CELF2: variants seen among roughly 807,000 people sequenced by gnomAD.
CELF2 encodes the protein CUG triplet repeat RNA-binding protein 2.
Under a neutral mutation model 62.6 loss-of-function variants are expected in CELF2, and 8 were observed. The observed-to-expected ratio is 0.13, with a 90% CI of 0.07 to 0.23. The LOEUF (loss-of-function observed/expected upper bound fraction) is 0.23, where lower values mean the gene tolerates loss of function less well. Among genes scored for constraint, CELF2 ranks in the 10% least tolerant of loss-of-function variants. The probability of loss-of-function intolerance (pLI) is 1.00; values close to 1 mark genes in which losing one functional copy is unlikely to be tolerated. For synonymous variants in CELF2, 258 were observed against 250.0 expected, an observed-to-expected ratio of 1.03 and a Z score of -0.30; for missense variants, 333 against 671.0, an observed-to-expected ratio of 0.50 and a Z score of 5.56.
At chr10:11,063,227 C>T (rs968775698) in intron 1 of CELF2, among the ~76,000 whole-genome samples, 2 of 152,192 alleles carry the variant, frequency 1.3e-5, no homozygotes, top group African/African-American at 2.4e-5. Context: ...ACCAAACCTG[C>T]TGTATCCTCA....
At chr10:10,645,427 A>G in the CELF2 span, among the ~76,000 whole-genome samples, 4,953 of 152,200 alleles carry the variant, frequency 0.033, 267 homozygotes, top group African/African-American at 0.11. Flanking sequence ...CTGAGCTGGG[A>G]AGATCACCTG....
At chr10:10,635,445 C>T in the CELF2 span, among the ~76,000 whole-genome samples, 4 of 152,148 alleles carry the variant, frequency 2.6e-5, no homozygotes, top group South Asian at 6.2e-4. Context: ...ACTTTCTGAT[C>T]ATATCTCATT....
At chr10:10,833,703 T>C (rs899260687) in intron 1 of CELF2, among the ~76,000 whole-genome samples, 1 of 151,880 alleles carries the variant, frequency 6.6e-6, no homozygotes, top group Non-Finnish European at 1.5e-5. Context: ...AACAAGCATA[T>C]GAAAAAAAAG....
At chr10:10,480,863 A>C in the CELF2 span, among the ~76,000 whole-genome samples, 1 of 152,100 alleles carries the variant, frequency 6.6e-6, no homozygotes, top group African/African-American at 2.4e-5. Context: ...AAACACCATA[A>C]ATTTTATTTT....
chr10:10,535,359 C>T, the CELF2 span, among the ~76,000 whole-genome samples: 1 of 152,248 alleles, frequency 6.6e-6, no homozygotes, highest in East Asian at 1.9e-4. Flanking sequence ...TGGGATAATC[C>T]CACAGTTCAG....
the CELF2 span, among the ~76,000 whole-genome samples, chr10:10,509,573 C>T: frequency 1.3e-5 from 2 of 152,130 alleles, no homozygotes; most frequent in African/African-American, 4.8e-5. Flanking sequence ...GTCTGTAAGC[C>T]ACCTAGTCTA....
At chr10:11,047,078 C>G (rs1274888130) in intron 1 of CELF2, among the ~76,000 whole-genome samples, 1 of 152,070 alleles carries the variant, frequency 6.6e-6, no homozygotes, top group Non-Finnish European at 1.5e-5. Context: ...TTAAACTCTT[C>G]CTATTTAAGC....
chr10:11,146,884 A>G (rs114954814), intron 1 of CELF2, among the ~76,000 whole-genome samples: 1,777 of 152,346 alleles, frequency 0.012, 28 homozygotes, highest in African/African-American at 0.04. Context: ...GCAGCTCAGC[A>G]GCCAGCCTGT....
At chr10:11,131,229 G>GC (rs1260730369) in intron 1 of CELF2, among the ~76,000 whole-genome samples, 1 of 152,188 alleles carries the variant, frequency 6.6e-6, no homozygotes, top group African/African-American at 2.4e-5. Context: ...GATGACAGTG[G>GC]CCTTAAGAGT....
At chr10:11,241,273 T>C (rs769156128) in intron 3 of CELF2, among the ~76,000 whole-genome samples, 4 of 152,216 alleles carry the variant, frequency 2.6e-5, no homozygotes, top group African/African-American at 4.8e-5. Context: ...AGTTTGGGCT[T>C]ACTGCAACCT....
chr10:11,303,081 A>C (rs1037471907), intron 9 of CELF2, among the ~76,000 whole-genome samples: 1 of 152,122 alleles, frequency 6.6e-6, no homozygotes, highest in South Asian at 2.1e-4. Flanking sequence ...GAGGTGGCCC[A>C]GCGGAAACTT....
intron 1 of CELF2, among the ~76,000 whole-genome samples, chr10:10,857,406 G>A (rs2133009637): frequency 6.6e-6 from 1 of 151,870 alleles, no homozygotes; most frequent in East Asian, 1.9e-4. Context: ...AACTAGCCTT[G>A]GAGTAAAGGC....
At chr10:11,024,427 C>G (rs1367184611) in intron 1 of CELF2, among the ~76,000 whole-genome samples, 2 of 152,076 alleles carry the variant, frequency 1.3e-5, no homozygotes, top group Non-Finnish European at 2.9e-5. Flanking sequence ...ATGGCAAAAC[C>G]CTGTGTCTAC....
At chr10:10,474,559 T>C in the CELF2 span, among the ~76,000 whole-genome samples, 1 of 151,192 alleles carries the variant, frequency 6.6e-6, no homozygotes, top group Non-Finnish European at 1.5e-5. Context: ...ATAAAACTTA[T>C]TTATGCACAC....
intron 1 of CELF2, among the ~76,000 whole-genome samples, chr10:11,108,263 GGT>G (rs1163334510): frequency 1.3e-5 from 2 of 150,674 alleles, no homozygotes; most frequent in Non-Finnish European, 2.9e-5. Context: ...CCTTTGTTTA[GGT>G]GTGTGTGTAT....
chr10:10,690,559 C>A, the CELF2 span, among the ~76,000 whole-genome samples: 1,288 of 152,238 alleles, frequency 8.5e-3, 7 homozygotes, highest in African/African-American at 0.012. Context: ...CAGTGCAGGA[C>A]CAGAAGACAG....
chr10:10,868,572 G>A (rs2060528272), intron 1 of CELF2, among the ~76,000 whole-genome samples: 1 of 152,204 alleles, frequency 6.6e-6, no homozygotes, highest in African/African-American at 2.4e-5. Flanking sequence ...GGATGGGGGA[G>A]CAGAAAGGTC....
At chr10:11,130,766 T>G (rs2059501199) in intron 1 of CELF2, among the ~76,000 whole-genome samples, 1 of 152,200 alleles carries the variant, frequency 6.6e-6, no homozygotes, top group African/African-American at 2.4e-5. Context: ...TATTGAAACA[T>G]AGTCTGTTAT....
Position 11,285,529 on chromosome 10 carries a change from C to T in CELF2, c.842-2889C>T, listed in dbSNP as rs959727408. On this transcript the variant is annotated intron_variant, in intron 8 of 12. Transcript: ENST00000633077. The surrounding 1 kb of genome is among the most constrained non-coding windows in gnomAD (Gnocchi z 4.3). Reference sequence around the variant, plus strand: ...CTAAAGGAGCGGGCAGTGGAGAGAACCTGAGTGCTGTCAGCTCAGTTCCAG... The same window carrying T: ...CTAAAGGAGCGGGCAGTGGAGAGAATCTGAGTGCTGTCAGCTCAGTTCCAG... Among the ~76,000 whole-genome samples, 3 of 152,310 alleles carry T rather than the reference C, an allele frequency of 2.0e-5. 1 individual carries two copies. The highest frequency in any genetic ancestry group is 4.1e-4 in the South Asian group (2 of 4,830).
Sources: gnomAD v4.1 joint callset for allele counts (sites outside exome capture counted in the v4.1 genomes callset) on GRCh38, gnomAD v4.1.1 for gene constraint, Gnocchi (gnomAD v3.1) non-coding constraint, MANE v1.5 for transcripts, NCBI Gene and HGNC (gene_info 2026-07-23, HGNC 2026-07-21) for gene names.